The following NBAS variants were observed in gnomAD, a reference collection of about 807,000 sequenced individuals.
NBAS encodes the protein NAG/BC035112 fusion.
A neutral mutation model predicts 302.5 loss-of-function variants in NBAS; 219 were observed. The observed-to-expected ratio is 0.72, with a 90% CI of 0.65 to 0.81. The LOEUF is 0.81. NBAS is among the 30% of genes least tolerant of loss of function. The probability of loss-of-function intolerance (pLI) is 0.00; values close to 1 mark genes in which losing one functional copy is unlikely to be tolerated. For missense variants in NBAS, 2,932 were observed against 2,841.6 expected, an observed-to-expected ratio of 1.03 and a Z score of -0.72; for synonymous variants, 1,118 against 1,021.6, an observed-to-expected ratio of 1.09 and a Z score of -1.80.
At chr2:14,961,589 CT>C in the NBAS span, among the ~76,000 whole-genome samples, 3 of 152,120 alleles carry the variant, frequency 2.0e-5, no homozygotes, top group African/African-American at 7.2e-5. Flanking sequence ...AATAAAGTTC[CT>C]TTATTTATCA....
the NBAS span, among the ~76,000 whole-genome samples, chr2:14,999,954 T>A: frequency 3.9e-5 from 6 of 152,200 alleles, no homozygotes; most frequent in African/African-American, 1.4e-4. Context: ...AAATGACAAA[T>A]GACAGTGTGA....
the NBAS span, among the ~76,000 whole-genome samples, chr2:14,858,218 T>C: frequency 6.6e-6 from 1 of 152,112 alleles, no homozygotes; most frequent in South Asian, 2.1e-4. Context: ...GGTGGGAATG[T>C]GAATTAGTAC....
intron 44 of NBAS, among the ~76,000 whole-genome samples, chr2:15,269,202 G>A (rs1395502223): frequency 6.6e-6 from 1 of 152,204 alleles, no homozygotes; most frequent in Non-Finnish European, 1.5e-5. Flanking sequence ...TGGAAATCAG[G>A]AAGGCAGAGT....
At chr2:14,895,779 AACAG>A in the NBAS span, among the ~76,000 whole-genome samples, 1 of 151,922 alleles carries the variant, frequency 6.6e-6, no homozygotes, top group East Asian at 1.9e-4. Context: ...AGAAATAATC[AACAG>A]ACAACCTACA....
At chr2:15,500,502 T>TCACA (rs72095633) in intron 11 of NBAS, among the ~76,000 whole-genome samples, 8,708 of 136,104 alleles carry the variant, frequency 0.064, 307 homozygotes, top group Admixed American at 0.098. Context: ...TTTAGAAGTC[T>TCACA]CACACACACA....
At chr2:15,447,797 C>T (rs1265071400) in intron 21 of NBAS, among the ~76,000 whole-genome samples, 1 of 152,116 alleles carries the variant, frequency 6.6e-6, no homozygotes, top group Non-Finnish European at 1.5e-5. Context: ...CTGTCTTACT[C>T]CATTTATGCT....
intron 38 of NBAS, among the ~76,000 whole-genome samples, chr2:15,312,190 T>C (rs1207793434): frequency 6.6e-6 from 1 of 152,254 alleles, no homozygotes; most frequent in Non-Finnish European, 1.5e-5. Context: ...GATTCTTCAA[T>C]GTGAGTATTC....
intron 9 of NBAS, among the ~76,000 whole-genome samples, chr2:15,517,558 T>G (rs191276769): frequency 1.6e-3 from 241 of 152,300 alleles, no homozygotes; most frequent in Non-Finnish European, 2.8e-3. Context: ...CACATAAACA[T>G]ACATCTTAGG....
chr2:15,487,411 C>T (rs1027417256), intron 12 of NBAS, among the ~76,000 whole-genome samples: 1 of 152,134 alleles, frequency 6.6e-6, no homozygotes, highest in Non-Finnish European at 1.5e-5. Flanking sequence ...TGCACTCAAG[C>T]CCCCTAGAAG....
chr2:15,477,706 C>A (rs929808434), intron 13 of NBAS, among the ~76,000 whole-genome samples: 1 of 152,146 alleles, frequency 6.6e-6, no homozygotes. Context: ...TCAAAAGTAA[C>A]CCCTACAGGA....
rs527958367 is a variant in NBAS at position 15,394,309 on chromosome 2, T to A, written c.3175A>T (p.Ile1059Phe). Reference sequence around the variant, plus strand: ...GATTGAGTGTTTTTAACAAATGAAATTGGTTTCTCGAGTCCATGTTTTTCC... The same window carrying A: ...GATTGAGTGTTTTTAACAAATGAAAATGGTTTCTCGAGTCCATGTTTTTCC... ...LLEKHGLEKPISFVKNTQSSS... is the reference protein window; with the variant it reads ...LLEKHGLEKPFSFVKNTQSSS... The change falls in exon 28 of 52, where the codon ATT becomes TTT. Residue 1059 changes from isoleucine to phenylalanine, a missense_variant. Physicochemically the swap from Ile to Phe is conservative, Grantham distance 21 (BLOSUM62 0). Transcript: ENST00000281513. The A allele has an allele frequency of 6.2e-7, 1 of 1,613,204 alleles. No individual in the cohort carries two copies. Among genetic ancestry groups the A allele is most frequent in the East Asian group, 2.2e-5 (1 of 44,802 alleles).
the NBAS span, among the ~76,000 whole-genome samples, chr2:14,928,173 C>G: frequency 0.06 from 9,173 of 152,234 alleles, 394 homozygotes; most frequent in Non-Finnish European, 0.095. Context: ...TCTGAGTAAT[C>G]TCTTCTATTT....
chr2:15,063,317 GT>G, the NBAS span, among the ~76,000 whole-genome samples: 10 of 151,864 alleles, frequency 6.6e-5, no homozygotes, highest in East Asian at 9.8e-4. Context: ...AAGGCCCCCT[GT>G]TCATTGGCTC....
At chr2:15,268,588 T>C (rs781294385) in intron 44 of NBAS, among the ~76,000 whole-genome samples, 1 of 152,238 alleles carries the variant, frequency 6.6e-6, no homozygotes, top group African/African-American at 2.4e-5. Flanking sequence ...TGGACAGCAC[T>C]AATCTGGGGG....
the NBAS span, among the ~76,000 whole-genome samples, chr2:14,834,475 T>C: frequency 6.6e-6 from 1 of 152,152 alleles, no homozygotes; most frequent in African/African-American, 2.4e-5. Flanking sequence ...TGAATTCATT[T>C]AGTAAAAAAT....
At chr2:15,276,798 T>C in intron 43 of NBAS, 53 bp downstream of exon 43, 1 of 1,612,622 alleles carries the variant, frequency 6.2e-7, no homozygotes, top group East Asian at 2.2e-5. Flanking sequence ...AGAAAATTAA[T>C]CCCCAGATTT....
chr2:15,460,167 AG>A (rs1275308786), intron 21 of NBAS, among the ~76,000 whole-genome samples: 1 of 152,220 alleles, frequency 6.6e-6, no homozygotes, highest in Non-Finnish European at 1.5e-5. Context: ...AGTTTCCAGT[AG>A]CTGAAATTAG....
At chr2:15,416,399 C>T (rs1572814911) in intron 24 of NBAS, among the ~76,000 whole-genome samples, 2 of 152,020 alleles carry the variant, frequency 1.3e-5, no homozygotes, top group East Asian at 1.9e-4. Context: ...AAAAGATACA[C>T]CTAAAGCTAT....
chr2:14,820,404 A>G, the NBAS span, among the ~76,000 whole-genome samples: 22 of 152,238 alleles, frequency 1.4e-4, no homozygotes, highest in African/African-American at 5.3e-4. Context: ...AAGTGAAATC[A>G]GCCAGACACA....
Sources: allele counts gnomAD v4.1 joint callset (sites outside exome capture counted in the v4.1 genomes callset), GRCh38; gene constraint gnomAD v4.1.1; transcripts MANE v1.5; gene names NCBI Gene and HGNC (gene_info 2026-07-23, HGNC 2026-07-21).